The following PLCXD3 variants were observed in gnomAD, a reference collection of about 807,000 sequenced individuals.
PLCXD3 encodes the protein PI-PLC X domain-containing protein 3.
Under a neutral mutation model 25.5 loss-of-function variants are expected in PLCXD3, and 19 were observed. The ratio of observed to expected loss-of-function variants is 0.75; its 90% CI spans 0.52 to 1.09. PLCXD3 has a LOEUF of 1.09. Ranked by LOEUF, PLCXD3 falls within the 50% of genes least tolerant of loss-of-function variation. The pLI, the probability that PLCXD3 is intolerant of heterozygous loss-of-function variation, is 0.00. For missense variants in PLCXD3, 411 were observed against 388.1 expected (o/e 1.06, Z -0.50); for synonymous variants, 174 against 137.6 (o/e 1.26, Z -1.85).
At chr5:41,331,698 C>T (rs900032814) in intron 2 of PLCXD3, among the ~76,000 whole-genome samples, 3 of 152,144 alleles carry the variant, frequency 2.0e-5, no homozygotes, top group East Asian at 3.9e-4. Context: ...AACTATACTA[C>T]AAGGCTACAG....
At chr5:41,396,059 T>A (rs1186712641) in intron 1 of PLCXD3, among the ~76,000 whole-genome samples, 1 of 150,754 alleles carries the variant, frequency 6.6e-6, no homozygotes, top group African/African-American at 2.4e-5. Context: ...ATATCTCTGA[T>A]GAATATTGAT....
intron 1 of PLCXD3, among the ~76,000 whole-genome samples, chr5:41,479,236 A>T (rs1748343186): frequency 6.6e-6 from 1 of 152,224 alleles, no homozygotes; most frequent in South Asian, 2.1e-4. Flanking sequence ...AGTCACAAAA[A>T]ACAAATATTA....
chr5:41,450,091 C>T (rs1000196012), intron 1 of PLCXD3, among the ~76,000 whole-genome samples: 4 of 152,104 alleles, frequency 2.6e-5, no homozygotes, highest in Non-Finnish European at 4.4e-5. Flanking sequence ...TCCTATGAAG[C>T]TCTATTCCTT....
chr5:41,375,161 A>G (rs1011160366), intron 2 of PLCXD3, among the ~76,000 whole-genome samples: 2 of 17,368 alleles, frequency 1.2e-4, no homozygotes, highest in Non-Finnish European at 3.6e-4. Context: ...GAGAGGAAGA[A>G]AGAGAGAGAG....
At chr5:41,457,627 A>G (rs1460202255) in intron 1 of PLCXD3, among the ~76,000 whole-genome samples, 3 of 151,964 alleles carry the variant, frequency 2.0e-5, no homozygotes, top group Non-Finnish European at 4.4e-5. Context: ...CTTTGCTCTC[A>G]GAGAAGTGGG....
At chr5:41,479,876 A>G (rs1748360897) in intron 1 of PLCXD3, among the ~76,000 whole-genome samples, 2 of 152,238 alleles carry the variant, frequency 1.3e-5, no homozygotes, top group Admixed American at 1.3e-4. Context: ...ATTTGCCAAT[A>G]CTTGTCAAAA....
At chr5:41,460,500 A>C (rs1747850312) in intron 1 of PLCXD3, among the ~76,000 whole-genome samples, 1 of 151,978 alleles carries the variant, frequency 6.6e-6, no homozygotes, top group Non-Finnish European at 1.5e-5. Context: ...AGAGTTTATC[A>C]CAGCTCATCA....
intron 2 of PLCXD3, among the ~76,000 whole-genome samples, chr5:41,367,455 G>A (rs1744969696): frequency 2.0e-5 from 3 of 152,022 alleles, no homozygotes; most frequent in Admixed American, 2.0e-4. Context: ...AGAAGTGTCT[G>A]TTCATCATGT....
At chr5:41,473,008 C>T (rs1016629657) in intron 1 of PLCXD3, among the ~76,000 whole-genome samples, 2 of 151,836 alleles carry the variant, frequency 1.3e-5, no homozygotes, top group African/African-American at 4.8e-5. Flanking sequence ...AAATTATAAG[C>T]CTCTCCTATC....
chr5:41,437,085 G>C (rs1369049151), intron 1 of PLCXD3, among the ~76,000 whole-genome samples: 1 of 152,148 alleles, frequency 6.6e-6, no homozygotes, highest in Non-Finnish European at 1.5e-5. Flanking sequence ...TCACATTAAA[G>C]ACTCTGTACT....
intron 1 of PLCXD3, among the ~76,000 whole-genome samples, chr5:41,499,806 A>G (rs954984950): frequency 6.6e-6 from 1 of 151,832 alleles, no homozygotes; most frequent in Non-Finnish European, 1.5e-5. Context: ...GACCAATAAA[A>G]CAGAATAGAG....
At chr5:41,377,475 G>T (rs1745331017) in intron 2 of PLCXD3, among the ~76,000 whole-genome samples, 1 of 152,068 alleles carries the variant, frequency 6.6e-6, no homozygotes, top group Middle Eastern at 3.4e-3. Context: ...AAACCTGTAA[G>T]TTAATAAACT....
At position 41,432,389 on chromosome 5, in the gene PLCXD3, T is replaced by C. The variant is rs536143385; in HGVS notation, c.104-49855A>G. Among the ~76,000 whole-genome samples, 3 of 152,336 alleles carry C rather than the reference T, an allele frequency of 2.0e-5. No homozygotes were observed. In the South Asian group the frequency reaches 6.2e-4, roughly 32 times the overall value. ...TCTTTGGCTATCACTGTTTTTCTGC[T>C]GTCCAGCATGGGTTTATTCAGCAGA... On this transcript the variant is annotated intron_variant, in intron 1 of 2. Transcript: ENST00000377801.
intron 1 of PLCXD3, among the ~76,000 whole-genome samples, chr5:41,396,495 T>C (rs1298374696): frequency 6.6e-6 from 1 of 152,200 alleles, no homozygotes; most frequent in Non-Finnish European, 1.5e-5. Context: ...TCTCAGGTAG[T>C]TTTTTATAGC....
chr5:41,468,451 A>G (rs977649111), intron 1 of PLCXD3, among the ~76,000 whole-genome samples: 1 of 152,162 alleles, frequency 6.6e-6, no homozygotes, highest in Non-Finnish European at 1.5e-5. Context: ...TTGCATCTGT[A>G]GATTGCTTTT....
At chr5:41,445,067 AAATAATTCTCTATTGATGAG>A (rs1402895953) in intron 1 of PLCXD3, among the ~76,000 whole-genome samples, 1 of 152,218 alleles carries the variant, frequency 6.6e-6, no homozygotes, top group African/African-American at 2.4e-5. Context: ...GCTCCAGAAA[AAATAATTCTCTATTGATGAG>A]AATCAGAGTC....
intron 2 of PLCXD3, among the ~76,000 whole-genome samples, chr5:41,367,476 C>G (rs951834734): frequency 1.3e-5 from 2 of 152,074 alleles, no homozygotes; most frequent in Non-Finnish European, 2.9e-5. Context: ...CCTTTGCCAG[C>G]TTTTTAATGG....
intron 2 of PLCXD3, among the ~76,000 whole-genome samples, chr5:41,321,572 A>G (rs918001372): frequency 5.3e-5 from 8 of 152,226 alleles, no homozygotes; most frequent in African/African-American, 1.7e-4. Flanking sequence ...TAGAAATAGA[A>G]AAAGCAAACC....
chr5:41,391,228 C>T (rs1343516673), intron 1 of PLCXD3, among the ~76,000 whole-genome samples: 1 of 152,118 alleles, frequency 6.6e-6, no homozygotes, highest in Non-Finnish European at 1.5e-5. Flanking sequence ...GAAACATCAT[C>T]CAAGGAAGCA....
Sources: gnomAD v4.1 joint callset for allele counts (sites outside exome capture counted in the v4.1 genomes callset) on GRCh38, gnomAD v4.1.1 for gene constraint, MANE v1.5 for transcripts, NCBI Gene and HGNC (gene_info 2026-07-23, HGNC 2026-07-21) for gene names.